PPM1G: variants seen among roughly 807,000 people sequenced by gnomAD.
PPM1G encodes protein phosphatase 1G.
Under a neutral mutation model 59.4 loss-of-function variants are expected in PPM1G, and 12 were observed. The observed-to-expected ratio is 0.20, with a 90% CI of 0.13 to 0.33. The LOEUF (loss-of-function observed/expected upper bound fraction) is 0.33. Among genes scored for constraint, PPM1G ranks in the 10% least tolerant of loss-of-function variants. The pLI, the probability that PPM1G is intolerant of heterozygous loss-of-function variation, is 1.00. For missense variants in PPM1G, 392 were observed against 681.3 expected, an observed-to-expected ratio of 0.58 and a Z score of 4.73; for synonymous variants, 245 against 251.9, an observed-to-expected ratio of 0.97 and a Z score of 0.26.
chr2:27,390,112 G>A (rs1007966292), intron 1 of PPM1G, among the ~76,000 whole-genome samples: 4 of 151,774 alleles, frequency 2.6e-5, no homozygotes, highest in African/African-American at 9.7e-5. Flanking sequence ...CACTTTCCAG[G>A]TTCAAGCAAT....
At chr2:27,395,233 C>CAAAAAA (rs775943242) in intron 1 of PPM1G, among the ~76,000 whole-genome samples, 1 of 89,568 alleles carries the variant, frequency 1.1e-5, no homozygotes, top group Non-Finnish European at 2.2e-5. Flanking sequence ...GACTCTGTCT[C>CAAAAAA]AAAAAAAAAA....
intron 1 of PPM1G, 93 bp downstream of exon 1, chr2:27,409,210 G>T (rs1231643960): frequency 2.8e-6 from 4 of 1,453,308 alleles, no homozygotes; most frequent in Non-Finnish European, 1.8e-6. Flanking sequence ...TCCCAATTGG[G>T]ACCCTTCCCA....
intron 1 of PPM1G, among the ~76,000 whole-genome samples, chr2:27,405,547 C>A (rs955001742): frequency 1.3e-5 from 2 of 151,818 alleles, no homozygotes; most frequent in Non-Finnish European, 2.9e-5. Context: ...TCAAGCAATT[C>A]TCTGGCCTCT....
intron 1 of PPM1G, among the ~76,000 whole-genome samples, chr2:27,403,022 G>A (rs868836139): frequency 2.6e-5 from 4 of 151,844 alleles, no homozygotes; most frequent in South Asian, 4.2e-4. Flanking sequence ...AACTATGATC[G>A]AGCCACTGTA....
chr2:27,386,789 G>A (rs1327643633), intron 2 of PPM1G: 2 of 213,912 alleles, frequency 9.3e-6, no homozygotes, highest in East Asian at 1.1e-4. Flanking sequence ...TCCTGACCTC[G>A]TGATCCACTG....
At chr2:27,407,835 G>A (rs1368317192) in intron 1 of PPM1G, among the ~76,000 whole-genome samples, 1 of 152,058 alleles carries the variant, frequency 6.6e-6, no homozygotes, top group Non-Finnish European at 1.5e-5. Context: ...GATCACCTAA[G>A]TCAGGAGTTC....
At position 27,381,752 on chromosome 2, in the gene PPM1G, G is replaced by A; in HGVS notation, c.1488C>T (p.Asp496=). ...PDTSGDGTGC[D]NMTCIIICFK... is the part of the protein sequence containing the mutation. ...AGCAAATGATGATGCAGGTCATGTT[G>A]TCACACCCTGTACCATCCCCAGAAG... Residue 496 remains aspartate (D), a synonymous_variant, in exon 10 of 10, where the codon GAC becomes GAT. Coordinates refer to ENST00000344034, the MANE Select transcript of PPM1G (RefSeq NM_177983.3). The A allele has an allele frequency of 2.5e-6, 4 of 1,613,544 alleles. No homozygotes were observed. The highest frequency in any genetic ancestry group is 3.4e-6 in the Non-Finnish European group (4 of 1,180,010).
intron 1 of PPM1G, chr2:27,393,059 C>A (rs1300913000): frequency 7.8e-7 from 1 of 1,287,282 alleles, no homozygotes. Flanking sequence ...TGTAATCCAT[C>A]GCATTCAGCC....
chr2:27,405,197 C>T (rs908655104), intron 1 of PPM1G, among the ~76,000 whole-genome samples: 4 of 151,044 alleles, frequency 2.6e-5, no homozygotes, highest in Admixed American at 6.6e-5. Context: ...CCTCAGCCTC[C>T]GGAGTAGCTG....
At chr2:27,395,879 A>T (rs1344079729) in intron 1 of PPM1G, among the ~76,000 whole-genome samples, 3 of 150,540 alleles carry the variant, frequency 2.0e-5, no homozygotes, top group African/African-American at 7.3e-5. Context: ...AGAAACCATT[A>T]AAAAAAAACA....
chr2:27,394,574 C>CA (rs954319562), intron 1 of PPM1G, among the ~76,000 whole-genome samples: 3 of 151,338 alleles, frequency 2.0e-5, no homozygotes, highest in African/African-American at 7.3e-5. Context: ...ACTAAAAATA[C>CA]AAAAAAATTA....
intron 1 of PPM1G, among the ~76,000 whole-genome samples, chr2:27,396,818 A>AC (rs1205488683): frequency 2.7e-5 from 4 of 147,700 alleles, no homozygotes; most frequent in Non-Finnish European, 4.5e-5. Flanking sequence ...TCCGTCTCCA[A>AC]CAAAAAAAAA....
intron 1 of PPM1G, among the ~76,000 whole-genome samples, chr2:27,399,167 C>CAACAACAACAACAAA (rs1383794953): frequency 1.3e-5 from 2 of 151,688 alleles, no homozygotes; most frequent in Admixed American, 6.6e-5. Context: ...ACAACAACAA[C>CAACAACAACAACAAA]AACAAAAACA....
chr2:27,381,652 C>A lies in PPM1G; in HGVS notation c.1588G>T (p.Gly530Trp). The change falls in exon 10 of 10, where the codon GGG (glycine) becomes TGG (tryptophan). Residue 530 changes from glycine to tryptophan, a missense_variant. Gly to Trp is a radical substitution (Grantham distance 184, BLOSUM62 -2). Transcript: ENST00000344034. ...TCGCTGTTGCCATTTTCTTCAGCCC[C>A]CTCAGTAGAGAGCACCTCCTCTAGT... ...RKLEEVLSTEGAEENGNSDKK... is the reference protein window; with the variant it reads ...RKLEEVLSTEWAEENGNSDKK... 6.2e-7 allele frequency: 1 copy of A among 1,614,084 alleles called. No homozygotes were observed. The highest frequency in any genetic ancestry group is 8.5e-7 in the Non-Finnish European group (1 of 1,180,026).
intron 1 of PPM1G, among the ~76,000 whole-genome samples, chr2:27,387,397 C>T (rs928259149): frequency 1.4e-4 from 21 of 152,130 alleles, no homozygotes; most frequent in Admixed American, 9.8e-4. Context: ...ATAACCTCAA[C>T]CTAGGAGATA....
At chr2:27,391,641 C>G (rs1683905840) in intron 1 of PPM1G, among the ~76,000 whole-genome samples, 1 of 151,924 alleles carries the variant, frequency 6.6e-6, no homozygotes, top group South Asian at 2.1e-4. Flanking sequence ...GATAGTTTCT[C>G]TTGCTGCATG....
At chr2:27,386,921 G>A (rs924797090) in intron 2 of PPM1G, 168 bp downstream of exon 2, 1 of 601,980 alleles carries the variant, frequency 1.7e-6, no homozygotes, top group South Asian at 2.0e-5. Flanking sequence ...AACCAATACA[G>A]TACCTACTGG....
rs758316533 is a variant in PPM1G, at chr2:27,382,099, C to A, written c.1434+27G>T. 1 of 1,594,020 alleles carries A rather than the reference C, an allele frequency of 6.3e-7. No homozygotes were observed. Among genetic ancestry groups the A allele is most frequent in the Admixed American group, 1.7e-5 (1 of 59,980 alleles). On this transcript the variant is annotated intron_variant, in intron 9 of 9. Transcript: ENST00000344034. The surrounding 1 kb of genome is among the most constrained non-coding windows in gnomAD (Gnocchi z 4.2). ...GAACCCTGGCTGTGCAGACCAGACACCCTCTCTTCTCCACCCTGGTACTCA... is the reference window on the plus strand; with the variant it reads ...GAACCCTGGCTGTGCAGACCAGACAACCTCTCTTCTCCACCCTGGTACTCA...
chr2:27,396,819 C>CAAAA (rs771980529), intron 1 of PPM1G, among the ~76,000 whole-genome samples: 5 of 125,384 alleles, frequency 4.0e-5, no homozygotes, highest in Admixed American at 1.6e-4. Context: ...CCGTCTCCAA[C>CAAAA]AAAAAAAAAA....
Sources: gnomAD v4.1 joint callset for allele counts (sites outside exome capture counted in the v4.1 genomes callset) on GRCh38, gnomAD v4.1.1 for gene constraint, Gnocchi (gnomAD v3.1) non-coding constraint, MANE v1.5 for transcripts, NCBI Gene and HGNC (gene_info 2026-07-23, HGNC 2026-07-21) for gene names.